The following PDE4D variants were observed in gnomAD, a reference collection of about 807,000 sequenced individuals.
PDE4D encodes the protein phosphodiesterase 4D.
A neutral mutation model predicts 87.4 loss-of-function variants in PDE4D; 24 were observed. The observed-to-expected ratio is 0.27, with a 90% CI of 0.20 to 0.39. The LOEUF (loss-of-function observed/expected upper bound fraction) is 0.39. Among genes scored for constraint, PDE4D ranks in the 10% least tolerant of loss-of-function variants. The pLI is 1.00. For missense variants in PDE4D, 714 were observed against 1,041.0 expected (o/e 0.69, Z 4.32); for synonymous variants, 384 against 383.2 (o/e 1.00, Z -0.02).
intron 2 of PDE4D, among the ~76,000 whole-genome samples, chr5:60,092,415 C>T (rs975047944): frequency 6.6e-6 from 1 of 151,948 alleles, no homozygotes; most frequent in African/African-American, 2.4e-5. Context: ...TTTTATATTG[C>T]AAAATAGCTA....
chr5:60,311,248 C>T (rs1755010169), intron 1 of PDE4D, among the ~76,000 whole-genome samples: 1 of 152,136 alleles, frequency 6.6e-6, no homozygotes. Flanking sequence ...TCTCGAACTC[C>T]CAACCTCAGG....
chr5:59,916,954 ATTTTTTTT>A (rs750105496), intron 3 of PDE4D, among the ~76,000 whole-genome samples: 30 of 73,618 alleles, frequency 4.1e-4, no homozygotes, highest in Non-Finnish European at 6.6e-4. Context: ...TGCCCGGCTA[ATTTTTTTT>A]TTTTTTTTTT....
intron 2 of PDE4D, among the ~76,000 whole-genome samples, chr5:59,990,015 C>T (rs1762846547): frequency 6.6e-6 from 1 of 152,126 alleles, no homozygotes; most frequent in South Asian, 2.1e-4. Flanking sequence ...GGGATTAGCA[C>T]TCATATATGG....
At chr5:59,119,945 A>G (rs1237449409) in intron 5 of PDE4D, among the ~76,000 whole-genome samples, 1 of 152,144 alleles carries the variant, frequency 6.6e-6, no homozygotes, top group Non-Finnish European at 1.5e-5. Flanking sequence ...CCTGGGCTCA[A>G]GGGATCCTCC....
chr5:59,612,325 G>C (rs1829119296), intron 1 of PDE4D, among the ~76,000 whole-genome samples: 1 of 149,596 alleles, frequency 6.7e-6, no homozygotes, highest in African/African-American at 2.5e-5. Context: ...TTTTTTTACA[G>C]ATTCCAACAA....
In PDE4D at chr5:59,013,727, T is replaced by C. The variant is rs551694858; in HGVS notation, c.922-20262A>G. On this transcript the variant is annotated intron_variant, in intron 6 of 14. Coordinates refer to ENST00000340635, the MANE Select transcript of PDE4D (RefSeq NM_001104631.2). The stretch of plus-strand genomic sequence containing the variant: ...ATTCTACCAGAGGTACAAAGAGGAG[T>C]TGGTAACATTCCTTCTGAAACTATT... 9.6e-4 allele frequency among the ~76,000 whole-genome samples: 145 copies of C among 151,244 alleles called. No homozygotes were observed. The South Asian group carries it at 0.016, about 17-fold the overall frequency.
intron 1 of PDE4D, among the ~76,000 whole-genome samples, chr5:59,533,037 G>C (rs1270168703): frequency 6.6e-6 from 1 of 152,158 alleles, no homozygotes; most frequent in Non-Finnish European, 1.5e-5. Flanking sequence ...GCAGAAGAAA[G>C]GCCCTAAGAG....
chr5:59,982,748 C>T (rs1193676826), intron 3 of PDE4D, among the ~76,000 whole-genome samples: 1 of 152,180 alleles, frequency 6.6e-6, no homozygotes, highest in African/African-American at 2.4e-5. Flanking sequence ...CTGTAACTTT[C>T]TGAAACAGGA....
At chr5:59,139,449 T>C (rs13180599) in intron 5 of PDE4D, among the ~76,000 whole-genome samples, 22,015 of 152,038 alleles carry the variant, frequency 0.14, 1,711 homozygotes, top group South Asian at 0.17. Flanking sequence ...CCTGAAGGCA[T>C]TGCAGACTCT....
chr5:59,507,289 G>A (rs1420244346), intron 1 of PDE4D, among the ~76,000 whole-genome samples: 1 of 152,032 alleles, frequency 6.6e-6, no homozygotes, highest in African/African-American at 2.4e-5. Context: ...ACGAGTTCGT[G>A]CCACTGCACT....
chr5:59,205,393 T>G (rs78730510), intron 2 of PDE4D, among the ~76,000 whole-genome samples: 2,407 of 152,208 alleles, frequency 0.016, 49 homozygotes, highest in African/African-American at 0.053. Context: ...CCCAGAAATT[T>G]TACTGGGTCA....
chr5:60,432,532 C>T (rs1744432822), intron 1 of PDE4D, among the ~76,000 whole-genome samples: 1 of 152,160 alleles, frequency 6.6e-6, no homozygotes, highest in Non-Finnish European at 1.5e-5. Flanking sequence ...CAATGCTATT[C>T]CTGTCAAATG....
At chr5:60,098,692 T>TA (rs891083577) in intron 2 of PDE4D, among the ~76,000 whole-genome samples, 16 of 152,176 alleles carry the variant, frequency 1.1e-4, no homozygotes, top group African/African-American at 3.8e-4. Context: ...GAGATTCCTA[T>TA]AAAAAACCAT....
intron 1 of PDE4D, among the ~76,000 whole-genome samples, chr5:60,301,660 C>T (rs34426618): frequency 0.27 from 41,346 of 152,026 alleles, 6,865 homozygotes; most frequent in African/African-American, 0.46. Context: ...ACAAAGATAA[C>T]TGGACTTCCT....
chr5:59,230,270 G>A (rs572707994), intron 1 of PDE4D, among the ~76,000 whole-genome samples: 2 of 151,914 alleles, frequency 1.3e-5, no homozygotes, highest in East Asian at 3.9e-4. Context: ...ATTTTTCCCA[G>A]ATCAGTGAGT....
intron 5 of PDE4D, among the ~76,000 whole-genome samples, chr5:59,129,353 C>T (rs1436715846): frequency 6.6e-6 from 1 of 152,122 alleles, no homozygotes; most frequent in Non-Finnish European, 1.5e-5. Flanking sequence ...ATCCTCCTGC[C>T]TTGCCTCCCA....
At chr5:59,315,041 G>A (rs961064921) in intron 1 of PDE4D, among the ~76,000 whole-genome samples, 1 of 152,128 alleles carries the variant, frequency 6.6e-6, no homozygotes, top group Non-Finnish European at 1.5e-5. Flanking sequence ...TGGGGGCTTG[G>A]AATCCAATCT....
intron 1 of PDE4D, among the ~76,000 whole-genome samples, chr5:60,219,226 G>A (rs1240508960): frequency 6.6e-6 from 1 of 152,140 alleles, no homozygotes; most frequent in Non-Finnish European, 1.5e-5. Context: ...AAAGTTAAAA[G>A]CAGTAAACAT....
chr5:59,520,538 C>T (rs1309154412), intron 1 of PDE4D, among the ~76,000 whole-genome samples: 7 of 152,128 alleles, frequency 4.6e-5, no homozygotes, highest in Admixed American at 4.6e-4. Context: ...TGTGGTGAGG[C>T]ACCTCTCAGA....
Sources: allele counts gnomAD v4.1 joint callset (sites outside exome capture counted in the v4.1 genomes callset), GRCh38; gene constraint gnomAD v4.1.1; transcripts MANE v1.5; gene names NCBI Gene and HGNC (gene_info 2026-07-23, HGNC 2026-07-21).